STAB1: variants seen among roughly 807,000 people sequenced by gnomAD.
STAB1 encodes stabilin-1.
STAB1 carries 250 observed loss-of-function variants against 332.4 expected under a neutral mutation model. That is an observed-to-expected ratio of 0.75 (90% CI 0.68 to 0.84). The LOEUF (loss-of-function observed/expected upper bound fraction) is 0.84. Among genes scored for constraint, STAB1 ranks in the 40% least tolerant of loss-of-function variants. The probability of loss-of-function intolerance (pLI) is 0.00; values close to 1 mark genes in which losing one functional copy is unlikely to be tolerated. For synonymous variants in STAB1, 1,475 were observed against 1,390.4 expected (o/e 1.06, Z -1.35); for missense variants, 3,249 against 3,489.7 (o/e 0.93, Z 1.74).
chr3:52,520,968 C>T lies in STAB1; in HGVS notation c.5871C>T (p.Pro1957=). 2 of 1,574,140 alleles carry T rather than the reference C, an allele frequency of 1.3e-6. No homozygotes were observed. Among genetic ancestry groups the T allele is most frequent in the Middle Eastern group, 1.7e-4 (1 of 5,862 alleles). Residue 1957 remains proline (P), a synonymous_variant, in exon 55 of 69, where the codon CCC becomes CCT. Transcript: ENST00000321725. Reference sequence around the variant, plus strand: ...ATTGTGTCACCACCACCTGGAAGCCCAGCTGCTGCCCTGGTCACTATGGCA... The same window carrying T: ...ATTGTGTCACCACCACCTGGAAGCCTAGCTGCTGCCCTGGTCACTATGGCA... ...HRNCVTTTWK[P]SCCPGHYGSE... is the part of the protein sequence containing the mutation.
chr3:52,518,238 C>T (rs2078941917), intron 45 of STAB1, 74 bp from the exon 46 acceptor site: 2 of 1,597,822 alleles, frequency 1.3e-6, no homozygotes, highest in African/African-American at 2.7e-5. Context: ...AGACCTTGGG[C>T]CGCAGGTGCT....
Position 52,521,517 on chromosome 3 carries a change from C to T in STAB1, c.6058+7C>T, listed in dbSNP as rs2153234171. On this transcript the variant is annotated splice_region_variant and intron_variant, in intron 56 of 68. Coordinates refer to ENST00000321725, the MANE Select transcript of STAB1 (RefSeq NM_015136.3). ...TTTGGGCCCCATTGTCAAGGTGGGC[C>T]ATCCCTGCCTGCCCCACGGCCCGAT... is the stretch of plus-strand genomic sequence containing the variant. 6.2e-7 allele frequency: 1 copy of T among 1,613,972 alleles called. No individual in the cohort carries two copies. The highest frequency in any genetic ancestry group is 8.5e-7 in the Non-Finnish European group (1 of 1,180,014).
rs2079178299 is a variant in STAB1, at chr3:52,523,998, TTGGCTTCTC to T, written c.7526_7534del (p.Gly2509_Ser2511del). 6.2e-7 allele frequency: 1 copy of T among 1,612,072 alleles called. No homozygotes were observed. The highest frequency in any genetic ancestry group is 1.3e-5 in the African/African-American group (1 of 74,932). ...CGTGCCCGAGGCAAGCCCATGGGCT[TTGGCTTCTC>T]TGCCTTCCAGGTAGGGCTGGGTTGG... On this transcript the variant is annotated inframe_deletion, in exon 67 of 69. Transcript: ENST00000321725.
In STAB1 at chr3:52,522,697, G is replaced by A. The variant is rs2079114803; in HGVS notation, c.6744+9G>A. Reference sequence around the variant, plus strand: ...TCTCTGCTGCCCAGCAGGTGTGTGGGGCCCAGAAGTTGGGGCCAAGTGTTG... The same window carrying A: ...TCTCTGCTGCCCAGCAGGTGTGTGGAGCCCAGAAGTTGGGGCCAAGTGTTG... On this transcript the variant is annotated intron_variant, in intron 61 of 68. Transcript: ENST00000321725. The A allele has an allele frequency of 6.2e-7, 1 of 1,612,904 alleles. No individual in the cohort carries two copies.
chr3:52,516,476 G>T, intron 39 of STAB1, 25 bp downstream of exon 39: 1 of 1,613,512 alleles, frequency 6.2e-7, no homozygotes, highest in Non-Finnish European at 8.5e-7. Flanking sequence ...ATGGGGAGGG[G>T]GCAGGTGGCT....
At chr3:52,506,910 C>T in intron 18 of STAB1, 60 bp downstream of exon 18, 1 of 1,583,506 alleles carries the variant, frequency 6.3e-7, no homozygotes, top group Non-Finnish European at 8.6e-7. Context: ...GCTGGAGCGG[C>T]AATCCTCTTC....
chr3:52,501,989 A>T lies in STAB1; in HGVS notation c.332-17A>T, dbSNP rs1026602748. ...GAGGGTTCTGGGCACAGAGCTGAGTACTGTGGGGGTCCACAGAATGCCCTG... is the reference window on the plus strand; with the variant it reads ...GAGGGTTCTGGGCACAGAGCTGAGTTCTGTGGGGGTCCACAGAATGCCCTG... On this transcript the variant is annotated splice_polypyrimidine_tract_variant and intron_variant, in intron 3 of 68. Transcript: ENST00000321725. 3.1e-6 allele frequency: 5 copies of T among 1,611,028 alleles called. No individual in the cohort carries two copies. Among genetic ancestry groups the T allele is most frequent in the Non-Finnish European group, 4.2e-6 (5 of 1,179,558 alleles).
At chr3:52,503,137 T>C in intron 7 of STAB1, 28 bp downstream of exon 7, 1 of 1,562,398 alleles carries the variant, frequency 6.4e-7, no homozygotes, top group African/African-American at 1.4e-5. Context: ...GGCCAGGGAC[T>C]TCAGCTCAGG....
intron 26 of STAB1, among the ~76,000 whole-genome samples, chr3:52,512,123 C>T (rs749505608): frequency 7.9e-5 from 12 of 152,252 alleles, no homozygotes; most frequent in Non-Finnish European, 1.3e-4. Flanking sequence ...TGAGCTCCCT[C>T]GCATCCACCT....
rs753252661 is a variant in STAB1 at position 52,502,758 on chromosome 3, A to G, written c.583+31A>G. 27 of 1,598,874 alleles carry G rather than the reference A, an allele frequency of 1.7e-5. No individual in the cohort carries two copies. In the Admixed American group the frequency reaches 1.8e-4, roughly 11 times the overall value. On this transcript the variant is annotated intron_variant, in intron 6 of 68. Transcript: ENST00000321725. ...CAGCGCCACTGGGATAGCCTAGGGC[A>G]GCAGGTCCCTGTGGCCAGAGCAAAA...
At chr3:52,504,697 C>A (rs771368828) in intron 11 of STAB1, 42 bp from the exon 12 acceptor site, 79 of 1,613,270 alleles carry the variant, frequency 4.9e-5, no homozygotes, top group Non-Finnish European at 6.2e-5. Flanking sequence ...GTGAAGAGGA[C>A]TGGCCCCCCG....
chr3:52,506,150 C>G lies in STAB1; in HGVS notation c.1750-20C>G. On this transcript the variant is annotated intron_variant, in intron 16 of 68. Transcript: ENST00000321725. ...GTATGGCCAGAGCCCAGCCTAAAGCCACACTGTCCCTTGCCCCAGCTGACC... is the reference window on the plus strand; with the variant it reads ...GTATGGCCAGAGCCCAGCCTAAAGCGACACTGTCCCTTGCCCCAGCTGACC... The G allele has an allele frequency of 6.2e-7, 1 of 1,606,058 alleles. No individual in the cohort carries two copies. Among genetic ancestry groups the G allele is most frequent in the Non-Finnish European group, 8.5e-7 (1 of 1,176,398 alleles).
rs2078929453 is a variant in STAB1, at chr3:52,517,939, C to T, written c.4697C>T (p.Thr1566Ile). 2 of 1,610,992 alleles carry T rather than the reference C, an allele frequency of 1.2e-6. No homozygotes were observed. The highest frequency in any genetic ancestry group is 1.7e-6 in the Non-Finnish European group (2 of 1,179,430). The change falls in exon 45 of 69, where the codon ACA becomes ATA. Residue 1566 changes from threonine (T) to isoleucine (I), a missense_variant. Coordinates refer to ENST00000321725, the MANE Select transcript of STAB1 (RefSeq NM_015136.3). ...TCKSTGDGQR[T>I]CTCDTAHTVG... ...AAAAGCACAGGGGATGGCCAGAGGA[C>T]ATGTACCTGCGACACAGCCCACACC...
rs746696726 is a variant in STAB1 at position 52,520,382 on chromosome 3, C to T, written c.5500-18C>T. ...GTGCACCTGCGACCCTTGCATACCT[C>T]ATATTCTCTCCTTGCAGGGTGAGCT... On this transcript the variant is annotated intron_variant, in intron 52 of 68. Coordinates refer to ENST00000321725, the MANE Select transcript of STAB1 (RefSeq NM_015136.3). 1.9e-6 allele frequency: 3 copies of T among 1,612,266 alleles called. No individual in the cohort carries two copies. The highest frequency in any genetic ancestry group is 2.5e-6 in the Non-Finnish European group (3 of 1,179,410).
In STAB1 at chr3:52,513,240, G is replaced by A. The variant is rs1295149835; in HGVS notation, c.3269G>A (p.Gly1090Glu). 2 of 1,572,660 alleles carry A rather than the reference G, an allele frequency of 1.3e-6. No homozygotes were observed. Among genetic ancestry groups the A allele is most frequent in the South Asian group, 1.2e-5 (1 of 85,564 alleles). Residue 1090 changes from glycine to glutamate, a missense_variant and splice_region_variant, in exon 30 of 69, where the codon GGG becomes GAG. Gly to Glu is a moderately conservative substitution (Grantham distance 98). Coordinates refer to ENST00000321725, the MANE Select transcript of STAB1 (RefSeq NM_015136.3). ...TTRWEIRNIS[G>E]RVWVQNASVD... ...CGCTGGGAGATTCGCAACATTAGTG[G>A]GGTATGTGGTGAACTCTGGGCAGAA...
chr3:52,521,476 CTG>C lies in STAB1; in HGVS notation c.6027_6028del (p.Ala2010SerfsTer20), dbSNP rs2153234169. 2 of 1,614,020 alleles carry C rather than the reference CTG, an allele frequency of 1.2e-6. No homozygotes were observed. The highest frequency in any genetic ancestry group is 1.7e-6 in the Non-Finnish European group (2 of 1,180,020). ...SGFAGTACEL[C>X]APGAFGPHCQ... ...GTTTTGCTGGGACAGCCTGTGAACT[CTG>C]TGCTCCTGGTGCCTTTGGGCCCCAT... On this transcript the variant is annotated frameshift_variant, in exon 56 of 69. Coordinates refer to ENST00000321725, the MANE Select transcript of STAB1 (RefSeq NM_015136.3). LOFTEE classifies it high-confidence loss of function.
At chr3:52,517,781 G>A in intron 44 of STAB1, 100 bp from the exon 45 acceptor site, 1 of 1,589,856 alleles carries the variant, frequency 6.3e-7, no homozygotes. Flanking sequence ...ATAGGATCTG[G>A]GGGGCTGAGC....
At chr3:52,501,116 G>A in intron 1 of STAB1, 50 bp from the exon 2 acceptor site, 1 of 1,595,784 alleles carries the variant, frequency 6.3e-7, no homozygotes, top group Middle Eastern at 1.7e-4. Flanking sequence ...ACAGGGTCAG[G>A]ACTGGGCGTG....
At chr3:52,509,370 C>G in intron 22 of STAB1, 49 bp downstream of exon 22, 1 of 1,553,000 alleles carries the variant, frequency 6.4e-7, no homozygotes, top group Non-Finnish European at 8.8e-7. Context: ...AAACGTCTGC[C>G]TAAAGATGGG....
Sources: gnomAD v4.1 joint callset for allele counts (sites outside exome capture counted in the v4.1 genomes callset) on GRCh38, gnomAD v4.1.1 for gene constraint, MANE v1.5 for transcripts, NCBI Gene and HGNC (gene_info 2026-07-23, HGNC 2026-07-21) for gene names.